The following MARCHF1 variants were observed in gnomAD, a reference collection of about 807,000 sequenced individuals.
MARCHF1 encodes E3 ubiquitin-protein ligase MARCHF1.
A neutral mutation model predicts 54.2 loss-of-function variants in MARCHF1; 40 were observed. The observed-to-expected ratio is 0.74, with a 90% CI of 0.57 to 0.96. The LOEUF is 0.96. Ranked by LOEUF, MARCHF1 falls within the 40% of genes least tolerant of loss-of-function variation. The pLI is 0.00. For synonymous variants in MARCHF1, 236 were observed against 236.3 expected, an observed-to-expected ratio of 1.00 and a Z score of 0.01; for missense variants, 586 against 656.5, an observed-to-expected ratio of 0.89 and a Z score of 1.17.
chr4:164,029,626 G>T (rs1242884939), intron 2 of MARCHF1, among the ~76,000 whole-genome samples: 1 of 151,562 alleles, frequency 6.6e-6, no homozygotes, highest in Non-Finnish European at 1.5e-5. Context: ...ATGCAGTCTT[G>T]CTCTGTCACC....
chr4:163,758,991 T>C (rs1027151057), intron 4 of MARCHF1, among the ~76,000 whole-genome samples: 2 of 152,184 alleles, frequency 1.3e-5, no homozygotes, highest in Admixed American at 6.5e-5. Context: ...TTCTAGATAC[T>C]AGAGTTCCCG....
At chr4:163,909,995 A>G (rs1160990715) in intron 3 of MARCHF1, among the ~76,000 whole-genome samples, 1 of 152,190 alleles carries the variant, frequency 6.6e-6, no homozygotes, top group African/African-American at 2.4e-5. Flanking sequence ...TCATTAGAGT[A>G]CACTGGAAAT....
intron 1 of MARCHF1, among the ~76,000 whole-genome samples, chr4:164,287,412 C>A (rs887988116): frequency 6.6e-6 from 1 of 152,142 alleles, no homozygotes; most frequent in African/African-American, 2.4e-5. Context: ...AAACAGTTGC[C>A]GTGTCGTAAG....
intron 4 of MARCHF1, 71 bp downstream of exon 4, chr4:163,853,950 A>T: frequency 3.0e-6 from 4 of 1,336,824 alleles, no homozygotes; most frequent in Non-Finnish European, 4.1e-6. Flanking sequence ...TTATAAGGTC[A>T]TCCTCTCCAC....
In MARCHF1 at chr4:163,705,329, C is replaced by CA. The variant is rs201628303; in HGVS notation, c.112-4467dup. ...GTTAAGATAGTACTCCCTACCCCAC[C>CA]AAAAAAAACCAGTAGGAAAAAAAAA... On this transcript the variant is annotated intron_variant, in intron 4 of 9. Transcript: ENST00000514618. Among the ~76,000 whole-genome samples, 1,329 of 150,260 alleles carry CA rather than the reference C, an allele frequency of 8.8e-3. 20 individuals are homozygous for CA. Among genetic ancestry groups the CA allele is most frequent in the African/African-American group, 0.031 (1,262 of 41,028 alleles).
chr4:163,942,779 A>G (rs1285741836), intron 3 of MARCHF1, among the ~76,000 whole-genome samples: 1 of 151,292 alleles, frequency 6.6e-6, no homozygotes, highest in Non-Finnish European at 1.5e-5. Context: ...GTTCTGTTGG[A>G]CAAAAAAAGT....
chr4:164,100,640 CT>C (rs1301430841), intron 2 of MARCHF1, among the ~76,000 whole-genome samples: 1 of 152,210 alleles, frequency 6.6e-6, no homozygotes, highest in African/African-American at 2.4e-5. Flanking sequence ...AAATGTCTGC[CT>C]TTCACATTCT....
chr4:163,829,815 T>C (rs1477784690), intron 4 of MARCHF1, among the ~76,000 whole-genome samples: 1 of 152,236 alleles, frequency 6.6e-6, no homozygotes, highest in Non-Finnish European at 1.5e-5. Flanking sequence ...TGAAAATTAA[T>C]TAGGCAAACA....
intron 5 of MARCHF1, among the ~76,000 whole-genome samples, chr4:163,624,096 T>C (rs927294301): frequency 2.0e-5 from 3 of 152,138 alleles, no homozygotes; most frequent in Non-Finnish European, 4.4e-5. Context: ...CCCAAGAATA[T>C]GTATAGGAAG....
At chr4:163,550,507 CTT>C (rs35963243) in intron 8 of MARCHF1, among the ~76,000 whole-genome samples, 83,511 of 141,924 alleles carry the variant, frequency 0.59, 24,861 homozygotes, top group East Asian at 0.72. Flanking sequence ...TACGGTAGCC[CTT>C]TTTTTTTTTT....
intron 4 of MARCHF1, among the ~76,000 whole-genome samples, chr4:163,719,600 C>T (rs1038731197): frequency 2.6e-5 from 4 of 152,024 alleles, no homozygotes; most frequent in Non-Finnish European, 4.4e-5. Context: ...CTTGAGGAAT[C>T]GCCACACTGA....
At chr4:163,928,768 G>A (rs1410558514) in intron 3 of MARCHF1, among the ~76,000 whole-genome samples, 1 of 151,858 alleles carries the variant, frequency 6.6e-6, no homozygotes, top group Non-Finnish European at 1.5e-5. Flanking sequence ...GCTGAGAGTG[G>A]TAAAAATCTA....
chr4:164,005,459 T>G (rs1202480033), intron 2 of MARCHF1, among the ~76,000 whole-genome samples: 1 of 152,062 alleles, frequency 6.6e-6, no homozygotes, highest in Non-Finnish European at 1.5e-5. Flanking sequence ...GATGGTAGGA[T>G]AGTTGGACTT....
intron 1 of MARCHF1, among the ~76,000 whole-genome samples, chr4:164,187,531 G>A (rs558865390): frequency 6.6e-6 from 1 of 152,048 alleles, no homozygotes; most frequent in Non-Finnish European, 1.5e-5. Flanking sequence ...ATGTGAACTT[G>A]AAGCTCATGC....
At chr4:163,838,880 G>A (rs1749263442) in intron 4 of MARCHF1, among the ~76,000 whole-genome samples, 1 of 151,962 alleles carries the variant, frequency 6.6e-6, no homozygotes. Context: ...CAGCACCGGT[G>A]ATAAAAGAAA....
chr4:163,977,802 T>C (rs1051777378), intron 3 of MARCHF1, among the ~76,000 whole-genome samples: 3 of 152,206 alleles, frequency 2.0e-5, no homozygotes, highest in African/African-American at 7.2e-5. Flanking sequence ...ACTCAGATAT[T>C]CACAAAATAA....
intron 1 of MARCHF1, among the ~76,000 whole-genome samples, chr4:164,318,947 T>G (rs989861414): frequency 1.3e-5 from 2 of 152,366 alleles, no homozygotes; most frequent in East Asian, 1.9e-4. Context: ...ATTCTGTGAC[T>G]TGATAATACT....
intron 5 of MARCHF1, among the ~76,000 whole-genome samples, chr4:163,666,552 C>A (rs1177641811): frequency 6.6e-6 from 1 of 152,080 alleles, no homozygotes; most frequent in Middle Eastern, 3.2e-3. Context: ...TATAAAACAA[C>A]CATTTTAAAT....
At chr4:164,100,210 T>C (rs981682612) in intron 2 of MARCHF1, among the ~76,000 whole-genome samples, 1 of 131,812 alleles carries the variant, frequency 7.6e-6, no homozygotes, top group African/African-American at 2.9e-5. Flanking sequence ...GTTAAAACAA[T>C]AGCAAGAGAA....
Sources: allele counts gnomAD v4.1 joint callset (sites outside exome capture counted in the v4.1 genomes callset), GRCh38; gene constraint gnomAD v4.1.1; transcripts MANE v1.5; gene names NCBI Gene and HGNC (gene_info 2026-07-23, HGNC 2026-07-21).